SSR1: variants seen among roughly 807,000 people sequenced by gnomAD.
SSR1 encodes the protein translocon-associated protein subunit alpha.
Under a neutral mutation model 36.1 loss-of-function variants are expected in SSR1, and 13 were observed. The observed-to-expected ratio is 0.36, with a 90% CI of 0.23 to 0.57. SSR1 has a LOEUF of 0.57. Among genes scored for constraint, SSR1 ranks in the 20% least tolerant of loss-of-function variants. SSR1 has a pLI of 0.81. For synonymous variants in SSR1, 113 were observed against 118.9 expected (o/e 0.95, Z 0.32); for missense variants, 291 against 338.5 (o/e 0.86, Z 1.10).
At chr6:7,300,098 TAACTA>T (rs1757900269) in intron 4 of SSR1, among the ~76,000 whole-genome samples, 1 of 152,198 alleles carries the variant, frequency 6.6e-6, no homozygotes, top group African/African-American at 2.4e-5. Flanking sequence ...TTAAGCTACT[TAACTA>T]TAGAGTTAAG....
At chr6:7,309,391 G>C (rs1327862083) in intron 2 of SSR1, among the ~76,000 whole-genome samples, 7 of 152,278 alleles carry the variant, frequency 4.6e-5, no homozygotes, top group Admixed American at 4.6e-4. Flanking sequence ...GAGCCCAGGA[G>C]TTCGAGGCTG....
Position 7,283,831 on chromosome 6 carries a change from G to C in SSR1, c.*6033C>G, listed in dbSNP as rs1180789491. 3 of 152,222 alleles carry C rather than the reference G, an allele frequency of 2.0e-5. No individual in the cohort carries two copies. Among genetic ancestry groups the C allele is most frequent in the African/African-American group, 2.4e-5 (1 of 41,448 alleles). The allele number at this position is 152,222 out of a possible 1,614,324, so 9.4% of individuals were successfully genotyped here. A position where few individuals can be genotyped will look rare whatever the true frequency, so the allele number is the denominator to read the frequency against. ...CTGCATTACTGAGAATGTGCTCCCT[G>C]CCAAAAGGCTCCTACCCTATTCCAA... On this transcript the variant is annotated 3_prime_UTR_variant, in exon 8 of 8. Transcript: ENST00000244763.
Position 7,283,157 on chromosome 6 carries a change from A to C in SSR1, c.*6707T>G, listed in dbSNP as rs1757467913. ...TGCAGTGGTGCAACCTTGACTCACT[A>C]CAACCTCCTCCTCCTGGGTTCAAGT... On this transcript the variant is annotated 3_prime_UTR_variant, in exon 8 of 8. Coordinates refer to ENST00000244763, the MANE Select transcript of SSR1 (RefSeq NM_003144.5). The C allele has an allele frequency of 6.6e-6, 1 of 152,208 alleles. No homozygotes were observed. Among genetic ancestry groups the C allele is most frequent in the Admixed American group, 6.5e-5 (1 of 15,274 alleles). 9.4% of individuals were successfully genotyped at this position (152,208 alleles called of 1,614,324 possible).
At chr6:7,296,024 T>A (rs994615064) in intron 6 of SSR1, among the ~76,000 whole-genome samples, 1 of 152,244 alleles carries the variant, frequency 6.6e-6, no homozygotes, top group Non-Finnish European at 1.5e-5. Flanking sequence ...ATATGTTACA[T>A]GCAGGCAGTT....
intron 7 of SSR1, chr6:7,295,147 C>A (rs1757764664): frequency 6.6e-7 from 1 of 1,508,116 alleles, no homozygotes; most frequent in East Asian, 2.5e-5. Context: ...ATTAGGAACA[C>A]AGAAAATTCA....
Position 7,285,180 on chromosome 6 carries a change from G to C in SSR1, c.*4684C>G, listed in dbSNP as rs1049241882. On this transcript the variant is annotated 3_prime_UTR_variant, in exon 8 of 8. Coordinates refer to ENST00000244763, the MANE Select transcript of SSR1 (RefSeq NM_003144.5). The surrounding 1 kb of genome is among the most constrained non-coding windows in gnomAD (Gnocchi z 4.1). Reference sequence around the variant, plus strand: ...ACAGTCCAGAAGGAGATGTCAACAAGATGACAGGCTGCCATGGGTACTGAC... The same window carrying C: ...ACAGTCCAGAAGGAGATGTCAACAACATGACAGGCTGCCATGGGTACTGAC... The C allele has an allele frequency of 2.0e-5, 3 of 152,236 alleles. No homozygotes were observed. The highest frequency in any genetic ancestry group is 7.2e-5 in the African/African-American group (3 of 41,452). The allele number at this position is 152,236 out of a possible 1,614,324, so 9.4% of individuals were successfully genotyped here. A position where few individuals can be genotyped will look rare whatever the true frequency, so the allele number is the denominator to read the frequency against.
At chr6:7,309,748 C>T in intron 2 of SSR1, 169 bp downstream of exon 2, 1 of 622,608 alleles carries the variant, frequency 1.6e-6, no homozygotes, top group Non-Finnish European at 2.9e-6. Flanking sequence ...CAATTTCTGC[C>T]ATGATGGTAA....
At chr6:7,303,138 T>TAAAA (rs35763826) in intron 3 of SSR1, among the ~76,000 whole-genome samples, 4,747 of 42,862 alleles carry the variant, frequency 0.11, 695 homozygotes, top group East Asian at 0.25. Flanking sequence ...GACTACATCT[T>TAAAA]AAAAAAAAAA....
rs532648380 is a variant in SSR1, at chr6:7,312,804, G to A, written c.79+238C>T. 4.1e-4 allele frequency among the ~76,000 whole-genome samples: 63 copies of A among 152,348 alleles called. 1 individual carries two copies. In the East Asian group the frequency reaches 9.7e-3, roughly 23 times the overall value. ...AGCCCAGCCCTCGGCCGGCCACGAA[G>A]CAAGGTCGCCCGGGCACGGCCCCGC... On this transcript the variant is annotated intron_variant, in intron 1 of 7. Transcript: ENST00000244763.
At position 7,287,275 on chromosome 6, in the gene SSR1, T is replaced by G. The variant is rs1474370157; in HGVS notation, c.*2589A>C. The G allele has an allele frequency of 6.6e-6, 1 of 152,238 alleles. No individual in the cohort carries two copies. Among genetic ancestry groups the G allele is most frequent in the South Asian group, 2.1e-4 (1 of 4,832 alleles). The allele number at this position is 152,238 out of a possible 1,614,324, so 9.4% of individuals were successfully genotyped here. On this transcript the variant is annotated 3_prime_UTR_variant, in exon 8 of 8. Coordinates refer to ENST00000244763, the MANE Select transcript of SSR1 (RefSeq NM_003144.5). ...CAGCCATGATACAGTTCTAGGCTGA[T>G]GTGCCACAAATGCACTTTTAAGGCA...
At chr6:7,301,224 T>G in intron 4 of SSR1, 86 bp downstream of exon 4, 1 of 1,480,714 alleles carries the variant, frequency 6.8e-7, no homozygotes, top group Non-Finnish European at 9.0e-7. Flanking sequence ...AACAGGCAAC[T>G]GAATGAACAG....
At chr6:7,302,347 C>T (rs1295760023) in intron 3 of SSR1, among the ~76,000 whole-genome samples, 1 of 152,224 alleles carries the variant, frequency 6.6e-6, no homozygotes, top group African/African-American at 2.4e-5. Flanking sequence ...TGACCAGTTT[C>T]TTCTCCAAAC....
chr6:7,288,344 TAG>T lies in SSR1; in HGVS notation c.*1518_*1519del, dbSNP rs1324673208. ...ACTCAAACACTTTATATTACAGATA[TAG>T]AGTTTATAATCCAGCAATGCCAATA... On this transcript the variant is annotated 3_prime_UTR_variant, in exon 8 of 8. Transcript: ENST00000244763. The T allele has an allele frequency of 2.0e-5, 3 of 152,188 alleles. No individual in the cohort carries two copies. The highest frequency in any genetic ancestry group is 7.2e-5 in the African/African-American group (3 of 41,442). The allele number at this position is 152,188 out of a possible 1,614,324, so 9.4% of individuals were successfully genotyped here.
chr6:7,289,879 C>T lies in SSR1; in HGVS notation c.846G>A (p.Val282=). ...AAAGGAACATTTACTCATCAGATCCCACTGATCTCTTCTGTGCCCGTTTCC... is the reference window on the plus strand; with the variant it reads ...AAAGGAACATTTACTCATCAGATCCTACTGATCTCTTCTGTGCCCGTTTCC... ...LPRKRAQKRS[V]GSDE Residue 282 remains valine (V), a synonymous_variant, in exon 8 of 8, where the codon GTG becomes GTA. Transcript: ENST00000244763. 1 of 1,561,924 alleles carries T rather than the reference C, an allele frequency of 6.4e-7. No homozygotes were observed. Among genetic ancestry groups the T allele is most frequent in the Non-Finnish European group, 8.6e-7 (1 of 1,161,984 alleles).
Position 7,298,596 on chromosome 6 carries a change from A to G in SSR1, c.620+151T>C, listed in dbSNP as rs1757854143. On this transcript the variant is annotated intron_variant, in intron 5 of 7. Transcript: ENST00000244763. ...TTTGACTTTTATAGTTATAAGAATC[A>G]TCTGAAGTATGAATGAATATCGTAA... 5.1e-6 allele frequency: 3 copies of G among 591,348 alleles called. No individual in the cohort carries two copies. The South Asian group carries it at 7.0e-5, about 14-fold the overall frequency. The allele number at this position is 591,348 out of a possible 1,614,324, so 36.6% of individuals were successfully genotyped here. A position where few individuals can be genotyped will look rare whatever the true frequency, so the allele number is the denominator to read the frequency against.
At chr6:7,298,963 A>C in intron 4 of SSR1, 140 bp from the exon 5 acceptor site, 1 of 645,680 alleles carries the variant, frequency 1.5e-6, no homozygotes, top group Non-Finnish European at 2.7e-6. Flanking sequence ...TTCATATGTA[A>C]CTGCAATATT....
chr6:7,305,112 C>A (rs1325642799), intron 2 of SSR1, among the ~76,000 whole-genome samples: 1 of 152,124 alleles, frequency 6.6e-6, no homozygotes, highest in Non-Finnish European at 1.5e-5. Context: ...TAGACAGGAA[C>A]AGGGTATATT....
At chr6:7,295,045 C>A (rs1581629194) in intron 7 of SSR1, 1 of 1,481,816 alleles carries the variant, frequency 6.7e-7, no homozygotes, top group South Asian at 1.3e-5. Flanking sequence ...TTGAGAGCCC[C>A]CAATTCTCTA....
chr6:7,286,345 T>C lies in SSR1; in HGVS notation c.*3519A>G, dbSNP rs922664251. The stretch of plus-strand genomic sequence containing the variant: ...GGGATAAAAATTCATACAAAATCCA[T>C]TAGTAACATTCATAAGCACCCGAAA... On this transcript the variant is annotated 3_prime_UTR_variant, in exon 8 of 8. Transcript: ENST00000244763. The C allele has an allele frequency of 1.3e-5, 2 of 152,194 alleles. No homozygotes were observed. Among genetic ancestry groups the C allele is most frequent in the Admixed American group, 6.5e-5 (1 of 15,276 alleles). The allele number at this position is 152,194 out of a possible 1,614,324, so 9.4% of individuals were successfully genotyped here. A position where few individuals can be genotyped will look rare whatever the true frequency, so the allele number is the denominator to read the frequency against.
Sources: allele counts gnomAD v4.1 joint callset (sites outside exome capture counted in the v4.1 genomes callset), GRCh38; gene constraint gnomAD v4.1.1; non-coding constraint Gnocchi (gnomAD v3.1); transcripts MANE v1.5; gene names NCBI Gene and HGNC (gene_info 2026-07-23, HGNC 2026-07-21).